Variants in PLA2G6 observed in about 807,000 individuals in gnomAD.
The protein encoded by PLA2G6 is 85/88 kDa calcium-independent phospholipase A2.
A neutral mutation model predicts 83.8 loss-of-function variants in PLA2G6; 62 were observed. That is an observed-to-expected ratio of 0.74 (90% CI 0.60 to 0.91). PLA2G6 has a LOEUF of 0.91. Among genes scored for constraint, PLA2G6 ranks in the 40% least tolerant of loss-of-function variants. The pLI is 0.00. For synonymous variants in PLA2G6, 417 were observed against 449.8 expected, an observed-to-expected ratio of 0.93 and a Z score of 0.92; for missense variants, 944 against 1,102.0, an observed-to-expected ratio of 0.86 and a Z score of 2.03.
chr22:38,176,487 TCCTGGCAGCAGAA>T (rs1172717095), intron 1 of PLA2G6, among the ~76,000 whole-genome samples: 3 of 152,126 alleles, frequency 2.0e-5, no homozygotes, highest in Non-Finnish European at 4.4e-5. Flanking sequence ...TGTTGGATGG[TCCTGGCAGCAGAA>T]CCTGGCAGCA....
chr22:38,163,544 C>G (rs796997797), intron 2 of PLA2G6: 10 of 169,746 alleles, frequency 5.9e-5, no homozygotes, highest in African/African-American at 2.4e-4. Flanking sequence ...CCCACGGCAA[C>G]CTAAGGCAAG....
chr22:38,172,787 G>A (rs1449110968), intron 1 of PLA2G6, among the ~76,000 whole-genome samples: 1 of 152,224 alleles, frequency 6.6e-6, no homozygotes, highest in African/African-American at 2.4e-5. Context: ...GGGGTGCAGT[G>A]AAATCAAAGA....
Position 38,129,621 on chromosome 22 carries a change from G to A in PLA2G6, c.1078-59C>T, listed in dbSNP as rs1381633432. The A allele has an allele frequency of 2.9e-6, 4 of 1,382,524 alleles. No individual in the cohort carries two copies. The East Asian group carries it at 6.9e-5, about 24-fold the overall frequency. The allele number at this position is 1,382,524 out of a possible 1,614,324, so 85.6% of individuals were successfully genotyped here. A position where few individuals can be genotyped will look rare whatever the true frequency, so the allele number is the denominator to read the frequency against. ...CTGCCGGGGAAGTGAAGAACAAAGG[G>A]GCCCCTGGCTGCCAGCCCCAACCTG... On this transcript the variant is annotated intron_variant, in intron 7 of 16. Transcript: ENST00000332509.
intron 2 of PLA2G6, among the ~76,000 whole-genome samples, chr22:38,165,858 C>T (rs564880623): frequency 7.9e-5 from 12 of 152,010 alleles, no homozygotes; most frequent in East Asian, 3.9e-4. Flanking sequence ...CCAGCCTGAG[C>T]GACAGAGCGA....
In PLA2G6 at chr22:38,126,302, A is replaced by G. The variant is rs568081052; in HGVS notation, c.1427+69T>C. On this transcript the variant is annotated intron_variant, in intron 10 of 16. Transcript: ENST00000332509. ...CAGAGAGTAAAGCCCTGAGCCCACA[A>G]CAGGGGGTGGGTGAGGGGCAGGAAA... 90 of 1,204,120 alleles carry G rather than the reference A, an allele frequency of 7.5e-5. No individual in the cohort carries two copies. The African/African-American group carries it at 1.2e-3, about 16-fold the overall frequency. 74.6% of individuals were successfully genotyped at this position (1,204,120 alleles called of 1,614,324 possible). A position where few individuals can be genotyped will look rare whatever the true frequency, so the allele number is the denominator to read the frequency against.
Position 38,120,756 on chromosome 22 carries a change from T to G in PLA2G6, c.1742+3A>C. ...GCCACGGCCCCAGTGCGCCAGGGCT[T>G]ACTTGGGTTTCCTGACGTCCGTCAT... On this transcript the variant is annotated splice_donor_region_variant and intron_variant, in intron 12 of 16. Coordinates refer to ENST00000332509, the MANE Select transcript of PLA2G6 (RefSeq NM_003560.4). 1.2e-5 allele frequency: 19 copies of G among 1,613,568 alleles called. No homozygotes were observed. The highest frequency in any genetic ancestry group is 1.6e-5 in the Non-Finnish European group (19 of 1,179,988).
intron 9 of PLA2G6, chr22:38,127,510 GGA>G: frequency 5.1e-6 from 6 of 1,177,214 alleles, no homozygotes; most frequent in Admixed American, 2.3e-5. Context: ...TCCTGGGAGG[GGA>G]GAGAGAGGTG....
At chr22:38,124,431 C>T (rs1370744581) in intron 10 of PLA2G6, among the ~76,000 whole-genome samples, 1 of 152,180 alleles carries the variant, frequency 6.6e-6, no homozygotes, top group Non-Finnish European at 1.5e-5. Context: ...CGCCCTGACA[C>T]GTCTCCCCAC....
chr22:38,115,640 G>A lies in PLA2G6; in HGVS notation c.1921C>T (p.Pro641Ser). ...CGCCCATTGGGTCGGAAGTAAGTAG[G>A]AGCTGCCCCGCTGCTTCGGGCCGCC... is the stretch of plus-strand genomic sequence containing the variant. ...WRAARSSGAA[P>S]TYFRPNGRFL... The change falls in exon 14 of 17, where the codon CCT (proline) becomes TCT (serine). Residue 641 changes from proline (P) to serine (S), a missense_variant. By Grantham distance (74) the Pro-to-Ser change is moderately conservative. Coordinates refer to ENST00000332509, the MANE Select transcript of PLA2G6 (RefSeq NM_003560.4). 1.3e-6 allele frequency: 2 copies of A among 1,595,826 alleles called. No homozygotes were observed. The highest frequency in any genetic ancestry group is 2.3e-5 in the East Asian group (1 of 44,116).
At chr22:38,146,537 AT>A (rs1238160719) in intron 2 of PLA2G6, 1 of 151,906 alleles carries the variant, frequency 6.6e-6, no homozygotes, top group African/African-American at 2.4e-5. Context: ...ATCATTTATT[AT>A]TTTTATATTT....
chr22:38,173,062 T>C (rs540103157), intron 1 of PLA2G6, among the ~76,000 whole-genome samples: 3 of 152,100 alleles, frequency 2.0e-5, no homozygotes, highest in Non-Finnish European at 4.4e-5. Flanking sequence ...CGGGGCCACA[T>C]CCTGGAACAC....
chr22:38,178,273 G>C (rs1003655455), intron 1 of PLA2G6, among the ~76,000 whole-genome samples: 9 of 152,242 alleles, frequency 5.9e-5, no homozygotes, highest in Admixed American at 4.6e-4. Flanking sequence ...GGATACAATC[G>C]TAAACAAAAC....
intron 9 of PLA2G6, chr22:38,126,690 C>A: frequency 1.9e-6 from 1 of 534,698 alleles, no homozygotes; most frequent in Non-Finnish European, 3.4e-6. Context: ...CTGGGAAGGG[C>A]TCCCCACCCT....
chr22:38,122,184 AG>A (rs1190218503), intron 11 of PLA2G6, among the ~76,000 whole-genome samples: 1 of 152,012 alleles, frequency 6.6e-6, no homozygotes, highest in Admixed American at 6.5e-5. Context: ...CCTGGCCCAC[AG>A]GCCCTGATAC....
chr22:38,143,310 A>T, intron 3 of PLA2G6, 22 bp from the exon 4 acceptor site: 1 of 1,605,596 alleles, frequency 6.2e-7, no homozygotes, highest in South Asian at 1.1e-5. Context: ...GGCCAGGGTG[A>T]GCAGAGGTGA....
intron 6 of PLA2G6, 41 bp from the exon 7 acceptor site, chr22:38,133,054 G>A: frequency 6.5e-7 from 1 of 1,535,768 alleles, no homozygotes; most frequent in Non-Finnish European, 8.8e-7. Flanking sequence ...AGGCACTCGG[G>A]GAGCTGCCGC....
At chr22:38,179,396 G>T (rs9610910) in intron 1 of PLA2G6, among the ~76,000 whole-genome samples, 11,793 of 152,208 alleles carry the variant, frequency 0.077, 1,070 homozygotes, top group African/African-American at 0.21. Context: ...ATACTCCTAT[G>T]TCCTAAGATG....
Position 38,113,529 on chromosome 22 carries a change from A to T in PLA2G6, c.2160T>A (p.Thr720=). 1 of 1,614,082 alleles carries T rather than the reference A, an allele frequency of 6.2e-7. No individual in the cohort carries two copies. ...RPSNPWELAK[T]VFGAKELGKM... ...TGCCCAGTTCCTTGGCCCCAAAAAC[A>T]GTCTTGGCCAGCTCCCAGGGGTTGC... Residue 720 remains threonine (T), a synonymous_variant, in exon 15 of 17, where the codon ACT becomes ACA. Coordinates refer to ENST00000332509, the MANE Select transcript of PLA2G6 (RefSeq NM_003560.4).
At chr22:38,160,714 G>A (rs1051304736) in intron 2 of PLA2G6, among the ~76,000 whole-genome samples, 4 of 152,132 alleles carry the variant, frequency 2.6e-5, no homozygotes, top group African/African-American at 9.7e-5. Flanking sequence ...GCGTGGTGGC[G>A]GGCACCTGTA....
Sources: allele counts gnomAD v4.1 joint callset (sites outside exome capture counted in the v4.1 genomes callset), GRCh38; gene constraint gnomAD v4.1.1; transcripts MANE v1.5; gene names NCBI Gene and HGNC (gene_info 2026-07-23, HGNC 2026-07-21).